Variants in MAPK9 observed in about 807,000 individuals in gnomAD.
MAPK9 encodes the protein Jun kinase.
MAPK9 carries 30 observed loss-of-function variants against 57.1 expected under a neutral mutation model. The ratio of observed to expected loss-of-function variants is 0.53; its 90% CI spans 0.39 to 0.71. MAPK9 has a LOEUF of 0.71. MAPK9 is among the 30% of genes least tolerant of loss of function. MAPK9 has a pLI of 0.00. For synonymous variants in MAPK9, 155 were observed against 177.0 expected (o/e 0.88, Z 0.99); for missense variants, 362 against 521.0 (o/e 0.69, Z 2.97).
At chr5:180,282,954 G>C (rs1221737676) in intron 1 of MAPK9, among the ~76,000 whole-genome samples, 1 of 152,118 alleles carries the variant, frequency 6.6e-6, no homozygotes, top group African/African-American at 2.4e-5. Context: ...AAGTCACTAG[G>C]GACTTGCTGG....
chr5:180,269,872 T>C (rs546277165), intron 2 of MAPK9, among the ~76,000 whole-genome samples: 7 of 152,360 alleles, frequency 4.6e-5, no homozygotes, highest in African/African-American at 1.7e-4. Context: ...ACTGTGTTTT[T>C]TTCACAAATA....
chr5:180,240,632 G>A lies in MAPK9; in HGVS notation c.996+399C>T, dbSNP rs927300524. 2.6e-5 allele frequency among the ~76,000 whole-genome samples: 4 copies of A among 152,322 alleles called. No individual in the cohort carries two copies. The South Asian group carries it at 6.2e-4, about 24-fold the overall frequency. On this transcript the variant is annotated intron_variant, in intron 9 of 11. Coordinates refer to ENST00000452135, the MANE Select transcript of MAPK9 (RefSeq NM_002752.5). The stretch of plus-strand genomic sequence containing the variant: ...TCAGAGTGGAGCTCCTCCAGCGGGG[G>A]AACCAGGAGCTACAATGCCTTTAGG...
chr5:180,286,112 T>C (rs114860653), intron 1 of MAPK9, among the ~76,000 whole-genome samples: 3,343 of 145,788 alleles, frequency 0.023, 150 homozygotes, highest in African/African-American at 0.073. Context: ...TTTAAAAAGT[T>C]CTATTTTCCT....
intron 9 of MAPK9, among the ~76,000 whole-genome samples, chr5:180,240,427 T>C (rs1249461016): frequency 1.3e-5 from 2 of 152,256 alleles, no homozygotes; most frequent in African/African-American, 2.4e-5. Flanking sequence ...AGTCTGCTTA[T>C]AAATTGGATT....
chr5:180,236,287 T>C lies in MAPK9; in HGVS notation c.*97A>G. 5 of 1,327,296 alleles carry C rather than the reference T, an allele frequency of 3.8e-6. No individual in the cohort carries two copies. Among genetic ancestry groups the C allele is most frequent in the South Asian group, 3.2e-5 (2 of 62,624 alleles). The allele number at this position is 1,327,296 out of a possible 1,614,324, so 82.2% of individuals were successfully genotyped here. A position where few individuals can be genotyped will look rare whatever the true frequency, so the allele number is the denominator to read the frequency against. ...CATTGTGTTTCTTACATGCAGAACA[T>C]GGAGTTTTTCTATTTGGTTCCATCA... On this transcript the variant is annotated 3_prime_UTR_variant, in exon 12 of 12. Transcript: ENST00000452135.
chr5:180,238,179 A>G (rs1182108827), intron 11 of MAPK9, 153 bp downstream of exon 11: 4 of 523,298 alleles, frequency 7.6e-6, no homozygotes, highest in Non-Finnish European at 1.4e-5. Context: ...CTGAGGCAGG[A>G]GAATTGCTTG....
chr5:180,267,298 A>C (rs562499369), intron 3 of MAPK9, among the ~76,000 whole-genome samples: 2 of 152,296 alleles, frequency 1.3e-5, no homozygotes, highest in African/African-American at 4.8e-5. Flanking sequence ...GCGGTGGCTC[A>C]CGCCTGTAAT....
At position 180,262,017 on chromosome 5, in the gene MAPK9, A is replaced by T. The variant is rs1279785424; in HGVS notation, c.312-195T>A. Among the ~76,000 whole-genome samples, 4 of 145,094 alleles carry T rather than the reference A, an allele frequency of 2.8e-5. No individual in the cohort carries two copies. The East Asian group carries it at 5.9e-4, about 21-fold the overall frequency. On this transcript the variant is annotated intron_variant, in intron 4 of 11. Coordinates refer to ENST00000452135, the MANE Select transcript of MAPK9 (RefSeq NM_002752.5). ...CTTAACGTCTTACAAGTTAAAAATT[A>T]AAAAAAAAAACAACAACCTTTTATA...
At chr5:180,238,550 C>T (rs536839917) in intron 10 of MAPK9, 147 bp from the exon 11 acceptor site, 14 of 538,850 alleles carry the variant, frequency 2.6e-5, no homozygotes, top group South Asian at 2.2e-5. Context: ...GTAATATAGT[C>T]TACCTGGACC....
At position 180,263,578 on chromosome 5, in the gene MAPK9, C is replaced by T. The variant is rs918091567; in HGVS notation, c.311+1203G>A. 3.9e-5 allele frequency among the ~76,000 whole-genome samples: 6 copies of T among 152,282 alleles called. No individual in the cohort carries two copies. The South Asian group carries it at 8.3e-4, about 21-fold the overall frequency. ...ACCCTCTTCTCTTCCCCTGCTCCCTCATCTCTAGCCACGCCACCTCTTGAT... is the reference window on the plus strand; with the variant it reads ...ACCCTCTTCTCTTCCCCTGCTCCCTTATCTCTAGCCACGCCACCTCTTGAT... On this transcript the variant is annotated intron_variant, in intron 4 of 11. Transcript: ENST00000452135.
At chr5:180,242,504 C>A in intron 8 of MAPK9, 69 bp downstream of exon 8, 1 of 1,423,798 alleles carries the variant, frequency 7.0e-7, no homozygotes, top group Admixed American at 2.0e-5. Flanking sequence ...TTTTAGAATA[C>A]AAACATGAAA....
chr5:180,278,088 T>C (rs1458605107), intron 2 of MAPK9, among the ~76,000 whole-genome samples: 2 of 152,242 alleles, frequency 1.3e-5, no homozygotes, highest in African/African-American at 4.8e-5. Context: ...TTGTTCATTA[T>C]TACTAAGATT....
At chr5:180,255,379 C>T (rs1205355427) in intron 5 of MAPK9, among the ~76,000 whole-genome samples, 3 of 152,086 alleles carry the variant, frequency 2.0e-5, no homozygotes, top group Non-Finnish European at 4.4e-5. Context: ...TCCAGGACAG[C>T]CCCTTCGAGC....
intron 2 of MAPK9, among the ~76,000 whole-genome samples, chr5:180,270,852 G>T (rs1761207616): frequency 8.6e-6 from 1 of 116,760 alleles, no homozygotes. Flanking sequence ...CTGTTGCCCA[G>T]GGTCTCAAAA....
intron 5 of MAPK9, among the ~76,000 whole-genome samples, chr5:180,260,736 T>C (rs1759856963): frequency 6.6e-6 from 1 of 152,234 alleles, no homozygotes; most frequent in Non-Finnish European, 1.5e-5. Context: ...GATTTTTATG[T>C]AGCTTTTTAA....
chr5:180,279,623 C>T (rs1161754058), intron 2 of MAPK9, among the ~76,000 whole-genome samples: 2 of 152,028 alleles, frequency 1.3e-5, no homozygotes, highest in East Asian at 1.9e-4. Flanking sequence ...GCTGTAAACA[C>T]GCGATGTTTA....
At chr5:180,266,867 C>T (rs1252495335) in intron 3 of MAPK9, among the ~76,000 whole-genome samples, 1 of 152,160 alleles carries the variant, frequency 6.6e-6, no homozygotes, top group Non-Finnish European at 1.5e-5. Flanking sequence ...AAGAAATTCA[C>T]CTGGACGAGT....
intron 9 of MAPK9, among the ~76,000 whole-genome samples, 175 bp downstream of exon 9, chr5:180,240,856 C>G (rs1235853113): frequency 1.3e-5 from 2 of 152,234 alleles, no homozygotes; most frequent in Non-Finnish European, 2.9e-5. Flanking sequence ...GCTGGGGCTC[C>G]AGCAGCAAAA....
chr5:180,254,124 G>C (rs181259046), intron 5 of MAPK9, among the ~76,000 whole-genome samples: 1 of 152,140 alleles, frequency 6.6e-6, no homozygotes, highest in East Asian at 1.9e-4. Flanking sequence ...CTGCCACCAC[G>C]CCCAGCTAAT....
Sources: gnomAD v4.1 joint callset for allele counts (sites outside exome capture counted in the v4.1 genomes callset) on GRCh38, gnomAD v4.1.1 for gene constraint, MANE v1.5 for transcripts, NCBI Gene and HGNC (gene_info 2026-07-23, HGNC 2026-07-21) for gene names.